The following LIN28B variants were observed in gnomAD, a reference collection of about 807,000 sequenced individuals.
LIN28B encodes lin-28 RNA binding posttranscriptional regulator B.
Under a neutral mutation model 21.9 loss-of-function variants are expected in LIN28B, and 5 were observed. That is an observed-to-expected ratio of 0.23 (90% CI 0.12 to 0.48). LIN28B has a LOEUF of 0.48. Among genes scored for constraint, LIN28B ranks in the 20% least tolerant of loss-of-function variants. The pLI, the probability that LIN28B is intolerant of heterozygous loss-of-function variation, is 0.98. For missense variants in LIN28B, 245 were observed against 310.5 expected, an observed-to-expected ratio of 0.79 and a Z score of 1.58; for synonymous variants, 109 against 111.3, an observed-to-expected ratio of 0.98 and a Z score of 0.13.
At chr6:105,041,876 T>C (rs1472903438) in intron 3 of LIN28B, among the ~76,000 whole-genome samples, 4 of 152,078 alleles carry the variant, frequency 2.6e-5, no homozygotes, top group Non-Finnish European at 2.9e-5. Context: ...AAGTTTGAGA[T>C]CCCTTGGCCT....
At chr6:105,011,882 AGGTGT>A (rs1770931366) in intron 2 of LIN28B, among the ~76,000 whole-genome samples, 2 of 151,850 alleles carry the variant, frequency 1.3e-5, no homozygotes, top group East Asian at 3.9e-4. Context: ...ACTGCCGGCC[AGGTGT>A]GGTGTCTCAT....
At chr6:105,013,489 G>T (rs1026489586) in intron 2 of LIN28B, among the ~76,000 whole-genome samples, 1 of 151,822 alleles carries the variant, frequency 6.6e-6, no homozygotes, top group Non-Finnish European at 1.5e-5. Context: ...TATAATCCCA[G>T]CACTTTGGGA....
intron 3 of LIN28B, among the ~76,000 whole-genome samples, chr6:105,053,779 C>G (rs1771965558): frequency 6.6e-6 from 1 of 150,622 alleles, no homozygotes; most frequent in South Asian, 2.1e-4. Context: ...GTAGCCCAGG[C>G]TGGAGTGCAA....
chr6:104,982,500 C>A (rs1770246802), intron 2 of LIN28B, among the ~76,000 whole-genome samples: 1 of 152,040 alleles, frequency 6.6e-6, no homozygotes, highest in South Asian at 2.1e-4. Flanking sequence ...CTTGGCTATA[C>A]AAAATTCAAT....
chr6:105,022,302 G>A (rs1456247742), intron 2 of LIN28B, among the ~76,000 whole-genome samples: 1 of 152,122 alleles, frequency 6.6e-6, no homozygotes, highest in African/African-American at 2.4e-5. Context: ...ACTGACAAGA[G>A]GCAGATTAAT....
chr6:104,987,190 A>G (rs1034615019), intron 2 of LIN28B, among the ~76,000 whole-genome samples: 2 of 152,142 alleles, frequency 1.3e-5, no homozygotes, highest in Non-Finnish European at 2.9e-5. Flanking sequence ...CTTTAATTAG[A>G]TTATTCCTAT....
At chr6:104,990,411 C>T (rs1214252290) in intron 2 of LIN28B, among the ~76,000 whole-genome samples, 1 of 151,714 alleles carries the variant, frequency 6.6e-6, no homozygotes, top group Admixed American at 6.6e-5. Flanking sequence ...ATGGTTTATA[C>T]TGGCTGTCTT....
chr6:104,937,514 C>G (rs913939186), intron 2 of LIN28B, among the ~76,000 whole-genome samples: 4 of 152,182 alleles, frequency 2.6e-5, no homozygotes, highest in African/African-American at 9.7e-5. Flanking sequence ...ATCTGCCCGC[C>G]TCGGCCTCCC....
At chr6:105,069,571 A>T (rs1438282813) in intron 3 of LIN28B, among the ~76,000 whole-genome samples, 1 of 151,530 alleles carries the variant, frequency 6.6e-6, no homozygotes, top group South Asian at 2.1e-4. Flanking sequence ...CAAAAAATTT[A>T]AAAAAAAAAA....
At chr6:105,030,742 G>A (rs193156648) in intron 3 of LIN28B, among the ~76,000 whole-genome samples, 219 of 151,456 alleles carry the variant, frequency 1.4e-3, no homozygotes, top group Middle Eastern at 6.8e-3. Flanking sequence ...GACTACAGGT[G>A]TGCACCACTG....
intron 2 of LIN28B, among the ~76,000 whole-genome samples, chr6:104,968,714 C>T (rs1008682855): frequency 6.6e-6 from 1 of 152,102 alleles, no homozygotes; most frequent in African/African-American, 2.4e-5. Context: ...CTTTTGTAAG[C>T]AATTTCCTAG....
intron 2 of LIN28B, among the ~76,000 whole-genome samples, chr6:104,974,518 A>T (rs1009532008): frequency 6.6e-6 from 1 of 151,238 alleles, no homozygotes; most frequent in Non-Finnish European, 1.5e-5. Flanking sequence ...AAAGAAAAAA[A>T]GAAAATTCAG....
At chr6:105,060,346 C>G (rs757757506) in intron 3 of LIN28B, among the ~76,000 whole-genome samples, 1 of 152,188 alleles carries the variant, frequency 6.6e-6, no homozygotes, top group Non-Finnish European at 1.5e-5. Flanking sequence ...TCACTGCAGC[C>G]TCAACCTACT....
chr6:104,992,674 TA>T (rs900772515), intron 2 of LIN28B, among the ~76,000 whole-genome samples: 1 of 152,036 alleles, frequency 6.6e-6, no homozygotes, highest in East Asian at 1.9e-4. Flanking sequence ...TCTGGATAAT[TA>T]AAAAAATTTT....
At chr6:104,944,114 A>G (rs1230236198) in intron 2 of LIN28B, among the ~76,000 whole-genome samples, 1 of 139,474 alleles carries the variant, frequency 7.2e-6, no homozygotes, top group Admixed American at 7.8e-5. Context: ...AAATATATGC[A>G]TATATATTTC....
intron 2 of LIN28B, among the ~76,000 whole-genome samples, chr6:104,992,517 T>G (rs1256681940): frequency 2.3e-4 from 10 of 43,570 alleles, no homozygotes; most frequent in African/African-American, 4.4e-4. Flanking sequence ...TGTGTGTGTT[T>G]TTTTTTTAAA....
chr6:104,991,315 A>G (rs1459903953), intron 2 of LIN28B, among the ~76,000 whole-genome samples: 1 of 148,948 alleles, frequency 6.7e-6, no homozygotes, highest in African/African-American at 2.5e-5. Flanking sequence ...TGCCGCGCGG[A>G]GGGGCTCCTC....
intron 2 of LIN28B, among the ~76,000 whole-genome samples, chr6:105,013,934 A>G (rs1039098001): frequency 1.3e-5 from 2 of 151,784 alleles, no homozygotes; most frequent in Non-Finnish European, 2.9e-5. Flanking sequence ...GATTTTGATA[A>G]TTTGTGTTCT....
chr6:105,021,910 C>T (rs953622572), intron 2 of LIN28B, among the ~76,000 whole-genome samples: 3 of 152,094 alleles, frequency 2.0e-5, no homozygotes, highest in Middle Eastern at 6.8e-3. Flanking sequence ...GAGAGTACAT[C>T]CCCGACTGGA....
Sources: allele counts gnomAD v4.1 joint callset (sites outside exome capture counted in the v4.1 genomes callset), GRCh38; gene constraint gnomAD v4.1.1; transcripts MANE v1.5; gene names NCBI Gene and HGNC (gene_info 2026-07-23, HGNC 2026-07-21).